KCNQ1OT1: variants seen among roughly 807,000 people sequenced by gnomAD.
KCNQ1OT1 encodes KCNQ1 antisense RNA 2 (non-protein coding).
rs934240100 is a variant in KCNQ1OT1, at chr11:2,690,629, G to A, written n.9366C>T. 2.5e-6 allele frequency: 1 copy of A among 398,560 alleles called. No homozygotes were observed. Among genetic ancestry groups the A allele is most frequent in the African/African-American group, 2.1e-5 (1 of 48,638 alleles). 24.7% of individuals were successfully genotyped at this position (398,560 alleles called of 1,614,324 possible). ...CACATATGTGCATGTTCATATATGT[G>A]TCAGAATGCGTATTTGTCAGTGTAT... On this transcript the variant is annotated non_coding_transcript_exon_variant, in exon 1 of 1. Transcript: ENST00000597346. This position sits in a 1 kb window ranked among gnomAD's most constrained non-coding sequence, Gnocchi z 5.1.
Position 2,670,331 on chromosome 11 carries a change from G to C in KCNQ1OT1, n.29664C>G, listed in dbSNP as rs957982432. On this transcript the variant is annotated non_coding_transcript_exon_variant, in exon 1 of 1. Coordinates refer to ENST00000597346, the Ensembl canonical transcript of KCNQ1OT1. This position sits in a 1 kb window ranked among gnomAD's most constrained non-coding sequence, Gnocchi z 4.9. ...AGATAATCTCAAATATGGTAGCAGA[G>C]TTCAGACTCAGTGGCTTTCAGATGG... 1.5e-5 allele frequency: 6 copies of C among 398,472 alleles called. No individual in the cohort carries two copies. The highest frequency in any genetic ancestry group is 4.4e-5 in the Admixed American group (1 of 22,716). 24.7% of individuals were successfully genotyped at this position (398,472 alleles called of 1,614,324 possible).
chr11:2,683,360 C>T lies in KCNQ1OT1; in HGVS notation n.16635G>A. The T allele has an allele frequency of 2.5e-6, 1 of 398,626 alleles. No homozygotes were observed. Among genetic ancestry groups the T allele is most frequent in the Non-Finnish European group, 4.4e-6 (1 of 226,060 alleles). 24.7% of individuals were successfully genotyped at this position (398,626 alleles called of 1,614,324 possible). ...CACTAGGCCACTGTGCCTGCCACTG[C>T]TGTCTGCAAATGCAGGTTCCTGGGG... On this transcript the variant is annotated non_coding_transcript_exon_variant, in exon 1 of 1. Coordinates refer to ENST00000597346, the Ensembl canonical transcript of KCNQ1OT1. The surrounding 1 kb of genome is among the most constrained non-coding windows in gnomAD (Gnocchi z 4.7).
At chr11:2,688,386 CTGCCATCCTT>C (rs1850528903) in exon 1 of KCNQ1OT1, 2 of 398,654 alleles carry the variant, frequency 5.0e-6, no homozygotes, top group South Asian at 2.5e-4. Flanking sequence ...GTTTCAATAA[CTGCCATCCTT>C]TGCTGATCCT....
exon 1 of KCNQ1OT1, chr11:2,639,206 T>A (rs981157059): frequency 6.6e-6 from 1 of 152,234 alleles, no homozygotes; most frequent in Non-Finnish European, 1.5e-5. Flanking sequence ...AGCCTTCCTC[T>A]CTCAACTTGT....
chr11:2,627,182 C>A lies in KCNQ1OT1; in HGVS notation n.72813G>T. The A allele has an allele frequency of 2.5e-6, 1 of 398,386 alleles. No homozygotes were observed. Among genetic ancestry groups the A allele is most frequent in the Non-Finnish European group, 4.4e-6 (1 of 226,006 alleles). 24.7% of individuals were successfully genotyped at this position (398,386 alleles called of 1,614,324 possible). Reference sequence around the variant, plus strand: ...AGTTTGTTATTCTTGATGCTTTTTTCAGCTTTTATTGAGGTATAATTGACA... The same window carrying A: ...AGTTTGTTATTCTTGATGCTTTTTTAAGCTTTTATTGAGGTATAATTGACA... On this transcript the variant is annotated non_coding_transcript_exon_variant, in exon 1 of 1. Transcript: ENST00000597346. The surrounding 1 kb of genome is among the most constrained non-coding windows in gnomAD (Gnocchi z 4.9).
At chr11:2,637,547 GAC>G (rs1286456838) in exon 1 of KCNQ1OT1, 1 of 152,238 alleles carries the variant, frequency 6.6e-6, no homozygotes, top group African/African-American at 2.4e-5. Context: ...TGGTCTGAGA[GAC>G]AGTTTGTTAT....
At chr11:2,680,549 A>C (rs1850378710) in exon 1 of KCNQ1OT1, 1 of 398,434 alleles carries the variant, frequency 2.5e-6, no homozygotes, top group South Asian at 1.3e-4. Flanking sequence ...AGTTCTAAGA[A>C]ACAACACAGA....
rs1046155314 is a variant in KCNQ1OT1 at position 2,676,811 on chromosome 11, G to A, written n.23184C>T. Reference sequence around the variant, plus strand: ...GGAGTGATGGCCAGTGTATTGTGCTGGGATCTACCACAGGGGTCATGTTGT... The same window carrying A: ...GGAGTGATGGCCAGTGTATTGTGCTAGGATCTACCACAGGGGTCATGTTGT... On this transcript the variant is annotated non_coding_transcript_exon_variant, in exon 1 of 1. Transcript: ENST00000597346. The surrounding 1 kb of genome is among the most constrained non-coding windows in gnomAD (Gnocchi z 4.2). 5.0e-6 allele frequency: 2 copies of A among 398,472 alleles called. No homozygotes were observed. Among genetic ancestry groups the A allele is most frequent in the Non-Finnish European group, 8.8e-6 (2 of 226,086 alleles). The allele number at this position is 398,472 out of a possible 1,614,324, so 24.7% of individuals were successfully genotyped here.
rs1589984544 is a variant in KCNQ1OT1 at position 2,618,355 on chromosome 11, G to A, written n.81640C>T. On this transcript the variant is annotated non_coding_transcript_exon_variant, in exon 1 of 1. Transcript: ENST00000597346. ...ATGTTTTAACAAAGTTTACAAATTT[G>A]TGTTGGGCCTCATTAAAGCCATCCT... is the stretch of plus-strand genomic sequence containing the variant. 1.5e-5 allele frequency: 6 copies of A among 398,456 alleles called. No individual in the cohort carries two copies. The East Asian group carries it at 1.8e-4, about 12-fold the overall frequency. The allele number at this position is 398,456 out of a possible 1,614,324, so 24.7% of individuals were successfully genotyped here. A position where few individuals can be genotyped will look rare whatever the true frequency, so the allele number is the denominator to read the frequency against.
At chr11:2,649,436 G>C (rs1849724236) in exon 1 of KCNQ1OT1, 2 of 398,452 alleles carry the variant, frequency 5.0e-6, no homozygotes. Context: ...TCCAGATGTA[G>C]TACTCCCTTA....
rs1049000633 is a variant in KCNQ1OT1, at chr11:2,617,660, C to T, written n.82335G>A. On this transcript the variant is annotated non_coding_transcript_exon_variant, in exon 1 of 1. Transcript: ENST00000597346. This position sits in a 1 kb window ranked among gnomAD's most constrained non-coding sequence, Gnocchi z 4.6. ...CATTCTGTTTTTCATTATGACTGCA[C>T]CAATCTACAGTCCCACCAACACTGT... 2.5e-6 allele frequency: 1 copy of T among 398,314 alleles called. No individual in the cohort carries two copies. Among genetic ancestry groups the T allele is most frequent in the African/African-American group, 2.1e-5 (1 of 48,586 alleles). 24.7% of individuals were successfully genotyped at this position (398,314 alleles called of 1,614,324 possible). A position where few individuals can be genotyped will look rare whatever the true frequency, so the allele number is the denominator to read the frequency against.
Position 2,626,317 on chromosome 11 carries a change from T to C in KCNQ1OT1, n.73678A>G, listed in dbSNP as rs1038041723. The C allele has an allele frequency of 2.8e-5, 11 of 398,374 alleles. No individual in the cohort carries two copies. Among genetic ancestry groups the C allele is most frequent in the Non-Finnish European group, 4.9e-5 (11 of 226,064 alleles). 24.7% of individuals were successfully genotyped at this position (398,374 alleles called of 1,614,324 possible). ...ATTCTCTTGAGTTAATTTTTGTGTA[T>C]GGTATTAGGTAAGGGTCTCAACTTC... On this transcript the variant is annotated non_coding_transcript_exon_variant, in exon 1 of 1. Coordinates refer to ENST00000597346, the Ensembl canonical transcript of KCNQ1OT1. The surrounding 1 kb of genome is among the most constrained non-coding windows in gnomAD (Gnocchi z 4.0).
At chr11:2,693,154 ACT>A (rs1590036484) in exon 1 of KCNQ1OT1, 4 of 398,640 alleles carry the variant, frequency 1.0e-5, no homozygotes, top group Non-Finnish European at 1.8e-5. Flanking sequence ...CTCAGTCTAC[ACT>A]CTGTGATCCA....
In KCNQ1OT1 at chr11:2,627,185, C is replaced by G. The variant is rs1849274782; in HGVS notation, n.72810G>C. The G allele has an allele frequency of 2.5e-6, 1 of 398,276 alleles. No homozygotes were observed. The highest frequency in any genetic ancestry group is 1.3e-4 in the South Asian group (1 of 7,846). 24.7% of individuals were successfully genotyped at this position (398,276 alleles called of 1,614,324 possible). Reference sequence around the variant, plus strand: ...TTGTTATTCTTGATGCTTTTTTCAGCTTTTATTGAGGTATAATTGACAAAT... The same window carrying G: ...TTGTTATTCTTGATGCTTTTTTCAGGTTTTATTGAGGTATAATTGACAAAT... On this transcript the variant is annotated non_coding_transcript_exon_variant, in exon 1 of 1. Transcript: ENST00000597346. The surrounding 1 kb of genome is among the most constrained non-coding windows in gnomAD (Gnocchi z 4.9).
exon 1 of KCNQ1OT1, chr11:2,622,236 T>C (rs1027969345): frequency 2.5e-6 from 1 of 398,394 alleles, no homozygotes; most frequent in Non-Finnish European, 4.4e-6. Context: ...GGCTCTATAT[T>C]TTGGTGTGTA....
chr11:2,671,983 CCT>C lies in KCNQ1OT1; in HGVS notation n.28010_28011del, dbSNP rs1433710564. 5.0e-6 allele frequency: 2 copies of C among 398,414 alleles called. No homozygotes were observed. Among genetic ancestry groups the C allele is most frequent in the Non-Finnish European group, 8.8e-6 (2 of 226,072 alleles). 24.7% of individuals were successfully genotyped at this position (398,414 alleles called of 1,614,324 possible). A position where few individuals can be genotyped will look rare whatever the true frequency, so the allele number is the denominator to read the frequency against. On this transcript the variant is annotated non_coding_transcript_exon_variant, in exon 1 of 1. Transcript: ENST00000597346. The surrounding 1 kb of genome is among the most constrained non-coding windows in gnomAD (Gnocchi z 4.7). The stretch of plus-strand genomic sequence containing the variant: ...GTGGGCTAAAAAGTCAGCTAGCACC[CCT>C]GACTTCAAGTCCTCGAGTGTATGTT...
chr11:2,674,687 C>A lies in KCNQ1OT1; in HGVS notation n.25308G>T, dbSNP rs565806460. 25 of 398,450 alleles carry A rather than the reference C, an allele frequency of 6.3e-5. No individual in the cohort carries two copies. In the East Asian group the frequency reaches 6.4e-4, roughly 10 times the overall value. The allele number at this position is 398,450 out of a possible 1,614,324, so 24.7% of individuals were successfully genotyped here. ...AAAATAATTTGAAAAGTTTGTTGAA[C>A]CTTAAACCTTTCCTGATGACTCCTT... On this transcript the variant is annotated non_coding_transcript_exon_variant, in exon 1 of 1. Transcript: ENST00000597346. This position sits in a 1 kb window ranked among gnomAD's most constrained non-coding sequence, Gnocchi z 5.9.
rs1850339519 is a variant in KCNQ1OT1 at position 2,678,882 on chromosome 11, A to G, written n.21113T>C. 1 of 398,630 alleles carries G rather than the reference A, an allele frequency of 2.5e-6. No individual in the cohort carries two copies. Among genetic ancestry groups the G allele is most frequent in the Non-Finnish European group, 4.4e-6 (1 of 226,070 alleles). The allele number at this position is 398,630 out of a possible 1,614,324, so 24.7% of individuals were successfully genotyped here. On this transcript the variant is annotated non_coding_transcript_exon_variant, in exon 1 of 1. Transcript: ENST00000597346. The surrounding 1 kb of genome is among the most constrained non-coding windows in gnomAD (Gnocchi z 4.9). ...GCACAGGAGTTGCCAGCTGGACCCA[A>G]GGACCATTTCGTATACATGTATGAT...
In KCNQ1OT1 at chr11:2,657,485, C is replaced by T. The variant is rs2133850545; in HGVS notation, n.42510G>A. On this transcript the variant is annotated non_coding_transcript_exon_variant, in exon 1 of 1. Transcript: ENST00000597346. The surrounding 1 kb of genome is among the most constrained non-coding windows in gnomAD (Gnocchi z 4.8). ...ATACAGGTTCTGTTTTCTCTTGTTA[C>T]CTCACATTTTTTATTTACAGAAGAG... is the stretch of plus-strand genomic sequence containing the variant. The T allele has an allele frequency of 2.5e-6, 1 of 398,430 alleles. No homozygotes were observed. 24.7% of individuals were successfully genotyped at this position (398,430 alleles called of 1,614,324 possible).
Sources: gnomAD v4.1 joint callset for allele counts on GRCh38, gnomAD v4.1.1 for gene constraint, Gnocchi (gnomAD v3.1) non-coding constraint, MANE v1.5 for transcripts, NCBI Gene and HGNC (gene_info 2026-07-23, HGNC 2026-07-21) for gene names.